The following PSMA1 variants were observed in gnomAD, a reference collection of about 807,000 sequenced individuals.
PSMA1 encodes the protein proteasome 20S subunit alpha 1, also known as proteasome subunit alpha type-1.
A neutral mutation model predicts 38.4 loss-of-function variants in PSMA1; 3 were observed. That is an observed-to-expected ratio of 0.08 (90% confidence interval 0.04 to 0.20). The LOEUF (loss-of-function observed/expected upper bound fraction) is 0.20. Among genes scored for constraint, PSMA1 ranks in the 10% least tolerant of loss-of-function variants. The pLI is 1.00. For synonymous variants in PSMA1, 101 were observed against 107.1 expected, an observed-to-expected ratio of 0.94 and a Z score of 0.35; for missense variants, 227 against 325.3, an observed-to-expected ratio of 0.70 and a Z score of 2.32.
rs79207736 is a variant in PSMA1 at position 14,561,082 on chromosome 11, G to A, written c.22-42041C>T. Among the ~76,000 whole-genome samples, 149 of 152,080 alleles carry A rather than the reference G, an allele frequency of 9.8e-4. 1 individual carries two copies. The highest frequency in any genetic ancestry group is 1.9e-3 in the South Asian group (9 of 4,822). ...TATCACAATGAACACATATCACTTC[G>A]TTGCTTAGAAAAGGAGAAACTAAAT... On this transcript the variant is annotated intron_variant, in intron 2 of 10. Coordinates refer to the PSMA1 transcript ENST00000418988.
intron 2 of PSMA1, among the ~76,000 whole-genome samples, chr11:14,607,166 G>A (rs1009522287): frequency 6.6e-6 from 1 of 152,220 alleles, no homozygotes; most frequent in Non-Finnish European, 1.5e-5. Context: ...GAGCCGACAG[G>A]AGTATTGTGC....
chr11:14,545,443 A>G (rs1851815440), intron 2 of PSMA1, among the ~76,000 whole-genome samples: 2 of 152,126 alleles, frequency 1.3e-5, no homozygotes, highest in South Asian at 2.1e-4. Flanking sequence ...TGCATTAGCT[A>G]TTTATCCTGA....
chr11:14,562,622 A>T (rs1366218835), intron 2 of PSMA1, among the ~76,000 whole-genome samples: 1 of 151,602 alleles, frequency 6.6e-6, no homozygotes, highest in Non-Finnish European at 1.5e-5. Context: ...GCTTCTATTC[A>T]TGAGCATTTT....
chr11:14,571,309 C>T (rs938627378), intron 2 of PSMA1, among the ~76,000 whole-genome samples: 36 of 152,268 alleles, frequency 2.4e-4, no homozygotes, highest in Admixed American at 2.6e-4. Context: ...GTGATCTGCC[C>T]GCCTTGGCCT....
At chr11:14,592,631 C>T (rs961694773) in intron 2 of PSMA1, among the ~76,000 whole-genome samples, 3 of 152,164 alleles carry the variant, frequency 2.0e-5, no homozygotes, top group Admixed American at 6.5e-5. Context: ...GTGATCCGCC[C>T]GCCTGGGCCT....
intron 2 of PSMA1, among the ~76,000 whole-genome samples, chr11:14,589,310 T>G (rs954458316): frequency 4.0e-5 from 6 of 151,770 alleles, no homozygotes; most frequent in Non-Finnish European, 7.4e-5. Context: ...ATGGTAGAAT[T>G]TGAGGTGCAT....
At chr11:14,582,438 G>A (rs1013642176) in intron 2 of PSMA1, among the ~76,000 whole-genome samples, 4 of 148,534 alleles carry the variant, frequency 2.7e-5, no homozygotes, top group African/African-American at 9.9e-5. Context: ...ATCCACCTCT[G>A]GACACAGGGC....
chr11:14,525,362 C>A (rs372690227), upstream of PSMA1, among the ~76,000 whole-genome samples: 10 of 152,004 alleles, frequency 6.6e-5, no homozygotes, highest in East Asian at 7.7e-4. Context: ...AAGTATAGGA[C>A]ACCTCTACTC....
intron 4 of PSMA1, among the ~76,000 whole-genome samples, chr11:14,516,209 C>CAA (rs35003395): frequency 7.0e-6 from 1 of 143,484 alleles, no homozygotes; most frequent in South Asian, 2.2e-4. Context: ...GACTCCGTCT[C>CAA]AAAAAAAAAA....
intron 2 of PSMA1, among the ~76,000 whole-genome samples, chr11:14,571,731 G>T (rs1414814670): frequency 2.6e-5 from 4 of 152,128 alleles, no homozygotes; most frequent in Non-Finnish European, 5.9e-5. Flanking sequence ...ATTGGATAAA[G>T]AGTCAAGACC....
At chr11:14,621,640 C>T (rs1025865364) in intron 1 of PSMA1, among the ~76,000 whole-genome samples, 5 of 152,190 alleles carry the variant, frequency 3.3e-5, no homozygotes, top group African/African-American at 1.2e-4. Flanking sequence ...TTTCTCTCCA[C>T]TAGCTATGAA....
intron 2 of PSMA1, among the ~76,000 whole-genome samples, chr11:14,597,689 CA>C (rs1377793351): frequency 6.6e-6 from 1 of 151,932 alleles, no homozygotes. Context: ...TGATCTTTTT[CA>C]AAAAACCAGC....
intron 2 of PSMA1, among the ~76,000 whole-genome samples, chr11:14,558,515 C>T (rs1851968143): frequency 6.6e-6 from 1 of 152,216 alleles, no homozygotes; most frequent in Non-Finnish European, 1.5e-5. Context: ...AGATAATGTG[C>T]TAAAGAGGAG....
chr11:14,639,303 A>G (rs1590019939), intron 1 of PSMA1, among the ~76,000 whole-genome samples: 1 of 152,214 alleles, frequency 6.6e-6, no homozygotes, highest in Non-Finnish European at 1.5e-5. Context: ...ATGAATGTTA[A>G]GAAAAATATT....
chr11:14,599,727 G>T (rs372970167), intron 2 of PSMA1, among the ~76,000 whole-genome samples: 19 of 152,252 alleles, frequency 1.2e-4, no homozygotes, highest in African/African-American at 4.3e-4. Context: ...CCGACCTTCT[G>T]AAGCCTACTT....
At chr11:14,548,922 C>T (rs1461583743) in intron 2 of PSMA1, among the ~76,000 whole-genome samples, 1 of 152,130 alleles carries the variant, frequency 6.6e-6, no homozygotes, top group East Asian at 1.9e-4. Context: ...AACTAAATTT[C>T]AGTATAGAAA....
chr11:14,505,891 A>T (rs2134139647), intron 9 of PSMA1, among the ~76,000 whole-genome samples: 1 of 152,228 alleles, frequency 6.6e-6, no homozygotes, highest in Non-Finnish European at 1.5e-5. Flanking sequence ...CTGTAGTTTC[A>T]GCTACTTGGT....
At chr11:14,624,305 A>G (rs1311173625) in intron 1 of PSMA1, among the ~76,000 whole-genome samples, 8 of 152,132 alleles carry the variant, frequency 5.3e-5, no homozygotes, top group Non-Finnish European at 7.4e-5. Flanking sequence ...CTCTAGCCCC[A>G]TTTTAGCCAA....
At chr11:14,531,121 T>C (rs962236709) in intron 2 of PSMA1, among the ~76,000 whole-genome samples, 1 of 152,156 alleles carries the variant, frequency 6.6e-6, no homozygotes, top group Non-Finnish European at 1.5e-5. Flanking sequence ...CCTATAGATA[T>C]ACTTCACCCT....
Sources: allele counts gnomAD v4.1 joint callset (sites outside exome capture counted in the v4.1 genomes callset), GRCh38; gene constraint gnomAD v4.1.1; transcripts MANE v1.5; gene names NCBI Gene and HGNC (gene_info 2026-07-23, HGNC 2026-07-21).